The following MIB1 variants were observed in gnomAD, a reference collection of about 807,000 sequenced individuals.
The protein encoded by MIB1 is MIB E3 ubiquitin protein ligase 1.
Under a neutral mutation model 124.5 loss-of-function variants are expected in MIB1, and 278 were observed. The observed-to-expected ratio is 2.23, with a 90% confidence interval of 2.02 to 2.47. The LOEUF is 2.47. Ranked by LOEUF, MIB1 falls within the 30% of genes most tolerant of loss-of-function variation. The probability of loss-of-function intolerance (pLI) is 0.00; values close to 1 mark genes in which losing one functional copy is unlikely to be tolerated. For synonymous variants in MIB1, 446 were observed against 429.4 expected, an observed-to-expected ratio of 1.04 and a Z score of -0.48; for missense variants, 957 against 1,254.4, an observed-to-expected ratio of 0.76 and a Z score of 3.58.
chr18:21,731,535 C>T (rs906155214), intron 1 of MIB1, among the ~76,000 whole-genome samples: 1 of 151,590 alleles, frequency 6.6e-6, no homozygotes, highest in African/African-American at 2.4e-5. Context: ...AGATCGAGAC[C>T]ATCTTGGCTA....
chr18:21,838,531 A>AT (rs756567373), intron 13 of MIB1, 34 bp downstream of exon 13: 570 of 1,516,312 alleles, frequency 3.8e-4, no homozygotes, highest in South Asian at 6.6e-4. Context: ...CCTCTTTTTT[A>AT]TTTTTTTTTA....
At chr18:21,825,597 G>A (rs2041917292) in intron 12 of MIB1, 4 of 454,406 alleles carry the variant, frequency 8.8e-6, no homozygotes, top group South Asian at 6.5e-5. Flanking sequence ...ACAGTAACAA[G>A]TTATTTGATT....
At chr18:21,864,437 A>C (rs1568232153) in intron 20 of MIB1, 89 bp from the exon 21 acceptor site, 2 of 1,066,226 alleles carry the variant, frequency 1.9e-6, no homozygotes, top group Non-Finnish European at 2.7e-6. Context: ...TTTGACTAAA[A>C]CAACTAAAGA....
At chr18:21,810,078 G>T (rs2041753714) in intron 10 of MIB1, among the ~76,000 whole-genome samples, 1 of 152,056 alleles carries the variant, frequency 6.6e-6, no homozygotes, top group Admixed American at 6.5e-5. Context: ...CATTAACAAT[G>T]AACAGTCTGT....
intron 1 of MIB1, among the ~76,000 whole-genome samples, chr18:21,747,627 T>C (rs1481241072): frequency 6.6e-6 from 1 of 152,234 alleles, no homozygotes; most frequent in African/African-American, 2.4e-5. Flanking sequence ...AGAAGAGAAG[T>C]GTGTACAACT....
In MIB1 at chr18:21,731,649, G is replaced by A. The variant is rs190724846; in HGVS notation, n.167+26526G>A. Among the ~76,000 whole-genome samples, 824 of 149,874 alleles carry A rather than the reference G, an allele frequency of 5.5e-3. 27 individuals carry two copies. The highest frequency in any genetic ancestry group is 0.039 in the East Asian group (199 of 5,056). ...CGGGAGGCTGAGGCAGGAGAATGGC[G>A]TGAACCCGGGAGGCAGAGCTTGCAG... is the stretch of plus-strand genomic sequence containing the variant. On this transcript the variant is annotated intron_variant and non_coding_transcript_variant, in intron 1 of 20. Coordinates refer to the MIB1 transcript ENST00000578646.
At chr18:21,730,882 C>T (rs965896113) in intron 1 of MIB1, among the ~76,000 whole-genome samples, 3 of 152,208 alleles carry the variant, frequency 2.0e-5, no homozygotes, top group Admixed American at 2.0e-4. Context: ...ACCTCTACTT[C>T]TCTCTCTTGT....
chr18:21,857,019 T>C lies in MIB1; in HGVS notation c.2666-111T>C, dbSNP rs189358611. On this transcript the variant is annotated intron_variant, in intron 18 of 20. Coordinates refer to ENST00000261537, the MANE Select transcript of MIB1 (RefSeq NM_020774.4). ...GGTAGAATTGCATATTGCTATAACT[T>C]GTATAACATTTATTTCAGTGTGAAA... is the stretch of plus-strand genomic sequence containing the variant. The C allele has an allele frequency of 2.2e-5, 16 of 725,832 alleles. No homozygotes were observed. The Admixed American group carries it at 2.5e-4, about 11-fold the overall frequency. The allele number at this position is 725,832 out of a possible 1,614,324, so 45.0% of individuals were successfully genotyped here.
rs373305150 is a variant in MIB1, at chr18:21,868,101, A to C, written c.*3435A>C. On this transcript the variant is annotated 3_prime_UTR_variant, in exon 21 of 21. Transcript: ENST00000261537. ...ATTTGTGTAAAAAATTGAATTTTTG[A>C]ATAGTTTTTTGTATTTTTTGTGATG... 1.4e-4 allele frequency: 21 copies of C among 152,122 alleles called. No individual in the cohort carries two copies. The highest frequency in any genetic ancestry group is 3.9e-4 in the East Asian group (2 of 5,184). 9.4% of individuals were successfully genotyped at this position (152,122 alleles called of 1,614,324 possible).
Position 21,858,543 on chromosome 18 carries a change from T to C in MIB1, c.2780-3T>C, listed in dbSNP as rs373648470. The stretch of plus-strand genomic sequence containing the variant: ...TGAAAATCTTTTTAAATCTATATTA[T>C]AGCAAGTGGGAATATTCCAGTATTA... On this transcript the variant is annotated splice_region_variant and splice_polypyrimidine_tract_variant and intron_variant, in intron 19 of 20. Transcript: ENST00000261537. The C allele has an allele frequency of 2.9e-6, 4 of 1,383,458 alleles. No individual in the cohort carries two copies. The highest frequency in any genetic ancestry group is 4.1e-6 in the Non-Finnish European group (4 of 975,816). 85.7% of individuals were successfully genotyped at this position (1,383,458 alleles called of 1,614,324 possible). A position where few individuals can be genotyped will look rare whatever the true frequency, so the allele number is the denominator to read the frequency against.
At chr18:21,778,659 A>G (rs915320993) in intron 5 of MIB1, among the ~76,000 whole-genome samples, 6 of 152,112 alleles carry the variant, frequency 3.9e-5, no homozygotes, top group African/African-American at 1.2e-4. Flanking sequence ...TGTTGCCTGG[A>G]TGAACATTTA....
chr18:21,773,533 A>G (rs1036024779), intron 3 of MIB1, 91 bp from the exon 4 acceptor site: 5 of 807,590 alleles, frequency 6.2e-6, no homozygotes, highest in South Asian at 1.8e-5. Context: ...GCTAGATGAA[A>G]TGATTTTTAA....
At chr18:21,711,915 A>G (rs2040667411) in intron 1 of MIB1, 1 of 152,046 alleles carries the variant, frequency 6.6e-6, no homozygotes, top group Non-Finnish European at 1.5e-5. Context: ...GCTGGTCTCG[A>G]ACTCCTGGGC....
At chr18:21,863,748 G>A (rs972191998) in intron 20 of MIB1, among the ~76,000 whole-genome samples, 8 of 152,168 alleles carry the variant, frequency 5.3e-5, no homozygotes, top group African/African-American at 1.9e-4. Flanking sequence ...GCTCATGCCT[G>A]TAATCCCAGC....
At chr18:21,811,536 TAAAAAG>T (rs1297566977) in intron 10 of MIB1, among the ~76,000 whole-genome samples, 1 of 152,124 alleles carries the variant, frequency 6.6e-6, no homozygotes, top group African/African-American at 2.4e-5. Context: ...TCATTAAACT[TAAAAAG>T]AAAGGAAATT....
At chr18:21,752,806 C>T (rs1568186973) in intron 1 of MIB1, among the ~76,000 whole-genome samples, 2 of 152,142 alleles carry the variant, frequency 1.3e-5, no homozygotes, top group Non-Finnish European at 2.9e-5. Context: ...ATGAGATTCT[C>T]AGGCACATAT....
Position 21,799,845 on chromosome 18 carries a change from A to G in MIB1, c.1242A>G (p.Arg414=). 1.9e-6 allele frequency: 3 copies of G among 1,609,178 alleles called. No homozygotes were observed. The East Asian group carries it at 6.7e-5, about 36-fold the overall frequency. The part of the protein sequence containing the change: ...GSAISNASGE[R]LSQLLKKLFE... ...GCTTTATTTGATGCTTTACAGAAAG[A>G]CTCTCACAACTCCTGAAGAAATTAT... Residue 414 remains arginine, a synonymous_variant, in exon 9 of 21, where the codon AGA becomes AGG. Coordinates refer to ENST00000261537, the MANE Select transcript of MIB1 (RefSeq NM_020774.4).
At position 21,741,878 on chromosome 18, in the gene MIB1, C is replaced by G; in HGVS notation, c.229+66C>G. ...GGAAGGGGCGAGCTGCGGTGGGCGT[C>G]GGTGTCGCGGGGAGAGGTCTGCAGT... is the stretch of plus-strand genomic sequence containing the variant. On this transcript the variant is annotated intron_variant, in intron 1 of 20. Transcript: ENST00000261537. This position sits in a 1 kb window ranked among gnomAD's most constrained non-coding sequence, Gnocchi z 5.4. 1 of 1,401,480 alleles carries G rather than the reference C, an allele frequency of 7.1e-7. No individual in the cohort carries two copies. The highest frequency in any genetic ancestry group is 1.4e-5 in the African/African-American group (1 of 69,674). 86.8% of individuals were successfully genotyped at this position (1,401,480 alleles called of 1,614,324 possible). A position where few individuals can be genotyped will look rare whatever the true frequency, so the allele number is the denominator to read the frequency against.
intron 10 of MIB1, chr18:21,812,445 G>C (rs147833401): frequency 6.6e-6 from 1 of 152,306 alleles, no homozygotes; most frequent in East Asian, 1.9e-4. Context: ...AGTGAAGGGA[G>C]GTTGAGTTGT....
Sources: allele counts gnomAD v4.1 joint callset (sites outside exome capture counted in the v4.1 genomes callset), GRCh38; gene constraint gnomAD v4.1.1; non-coding constraint Gnocchi (gnomAD v3.1); transcripts MANE v1.5; gene names NCBI Gene and HGNC (gene_info 2026-07-23, HGNC 2026-07-21).